MYO3A: variants seen among roughly 807,000 people sequenced by gnomAD.
The protein encoded by MYO3A is myosin IIIA.
A neutral mutation model predicts 192.7 loss-of-function variants in MYO3A; 180 were observed. The ratio of observed to expected loss-of-function variants is 0.93; its 90% CI spans 0.83 to 1.06. The LOEUF (loss-of-function observed/expected upper bound fraction) is 1.06. Ranked by LOEUF, MYO3A falls within the 50% of genes least tolerant of loss-of-function variation. The pLI is 0.00. For missense variants in MYO3A, 1,896 were observed against 1,905.0 expected (o/e 1.00, Z 0.09); for synonymous variants, 628 against 645.3 (o/e 0.97, Z 0.41).
chr10:26,136,422 A>T (rs1040823090), intron 20 of MYO3A, among the ~76,000 whole-genome samples: 1 of 152,248 alleles, frequency 6.6e-6, no homozygotes, highest in South Asian at 2.1e-4. Context: ...GAAAGAACTA[A>T]GTGTTCCCTG....
chr10:26,158,483 C>T (rs1002635356), intron 26 of MYO3A, among the ~76,000 whole-genome samples: 8 of 152,058 alleles, frequency 5.3e-5, no homozygotes, highest in African/African-American at 1.9e-4. Flanking sequence ...TCTCGATCTT[C>T]TGACCTTGTG....
At chr10:25,990,248 A>G (rs1427065901) in intron 4 of MYO3A, among the ~76,000 whole-genome samples, 1 of 152,128 alleles carries the variant, frequency 6.6e-6, no homozygotes, top group East Asian at 1.9e-4. Context: ...GTACGGGTAC[A>G]TGATATTCTG....
At chr10:26,124,053 T>G (rs189578129) in intron 18 of MYO3A, among the ~76,000 whole-genome samples, 53 of 152,086 alleles carry the variant, frequency 3.5e-4, no homozygotes, top group African/African-American at 1.3e-3. Flanking sequence ...GCCAGGCAGG[T>G]TGTCATGCGC....
At chr10:26,030,238 T>C (rs1445100816) in intron 10 of MYO3A, among the ~76,000 whole-genome samples, 2 of 152,240 alleles carry the variant, frequency 1.3e-5, no homozygotes, top group East Asian at 3.8e-4. Flanking sequence ...CTATAGTTTC[T>C]GCCCTCTTAC....
intron 28 of MYO3A, among the ~76,000 whole-genome samples, chr10:26,169,335 T>C (rs1841928209): frequency 6.6e-6 from 1 of 152,186 alleles, no homozygotes; most frequent in Non-Finnish European, 1.5e-5. Context: ...TTCACATACT[T>C]TTATTAAGCT....
intron 10 of MYO3A, among the ~76,000 whole-genome samples, chr10:26,029,981 A>C (rs1333466577): frequency 1.3e-5 from 2 of 152,050 alleles, no homozygotes; most frequent in Admixed American, 6.6e-5. Context: ...AGGAAATTGC[A>C]GATCCAGTTG....
intron 17 of MYO3A, among the ~76,000 whole-genome samples, chr10:26,103,280 C>T (rs201960292): frequency 6.6e-6 from 1 of 152,186 alleles, no homozygotes; most frequent in East Asian, 1.9e-4. Context: ...TTCCAGGTAC[C>T]ATCTGTCACG....
rs1031208854 is a variant in MYO3A, at chr10:26,104,649, G to C, written c.1776+7967G>C. On this transcript the variant is annotated intron_variant, in intron 17 of 34. Coordinates refer to ENST00000642920, the MANE Select transcript of MYO3A (RefSeq NM_017433.5). ...TGTTCTTTTTTTAAAATTTTTTTTG[G>C]CTTTTCAGGGTCAGTCCCTTAAACT... Among the ~76,000 whole-genome samples the C allele has an allele frequency of 4.6e-5, 7 of 151,432 alleles. No individual in the cohort carries two copies. The South Asian group carries it at 1.5e-3, about 32-fold the overall frequency.
At chr10:26,119,358 C>T (rs544605407) in intron 17 of MYO3A, among the ~76,000 whole-genome samples, 1 of 152,316 alleles carries the variant, frequency 6.6e-6, no homozygotes, top group Middle Eastern at 3.4e-3. Flanking sequence ...AAACCAGGAT[C>T]TTTAGCCTAT....
At chr10:25,989,863 G>A (rs1250428099) in intron 4 of MYO3A, among the ~76,000 whole-genome samples, 1 of 152,052 alleles carries the variant, frequency 6.6e-6, no homozygotes, top group Non-Finnish European at 1.5e-5. Context: ...AGGAGGCCCC[G>A]TATGTCAGGG....
At chr10:26,078,138 T>C (rs1476202182) in intron 14 of MYO3A, among the ~76,000 whole-genome samples, 2 of 151,300 alleles carry the variant, frequency 1.3e-5, no homozygotes, top group Non-Finnish European at 3.0e-5. Flanking sequence ...GACTTTTTTT[T>C]TTTTTTTGGT....
At chr10:26,099,889 C>T (rs1837323195) in intron 17 of MYO3A, among the ~76,000 whole-genome samples, 2 of 152,146 alleles carry the variant, frequency 1.3e-5, no homozygotes, top group Admixed American at 1.3e-4. Context: ...TGTTGTGTCT[C>T]TCCCAGGCTT....
chr10:26,172,741 G>C (rs1464935452), intron 29 of MYO3A, among the ~76,000 whole-genome samples: 2 of 152,188 alleles, frequency 1.3e-5, no homozygotes, highest in Non-Finnish European at 2.9e-5. Context: ...GCAGGATTCT[G>C]CTATGCCTCC....
chr10:26,114,401 C>T (rs1222569037), intron 17 of MYO3A, among the ~76,000 whole-genome samples: 1 of 152,146 alleles, frequency 6.6e-6, no homozygotes, highest in Non-Finnish European at 1.5e-5. Context: ...CTTCCATTCC[C>T]AAAACAAAAT....
At chr10:26,137,569 C>T (rs943194505) in intron 20 of MYO3A, among the ~76,000 whole-genome samples, 2 of 152,078 alleles carry the variant, frequency 1.3e-5, no homozygotes, top group African/African-American at 4.8e-5. Flanking sequence ...AGAATAACAG[C>T]GATTTTAGGG....
At chr10:26,178,609 C>T (rs1842450725) in intron 31 of MYO3A, among the ~76,000 whole-genome samples, 2 of 151,254 alleles carry the variant, frequency 1.3e-5, no homozygotes, top group African/African-American at 4.9e-5. Context: ...GACAACTTTA[C>T]CCAGGTGTGG....
chr10:26,205,428 T>TA (rs995625767), intron 34 of MYO3A, among the ~76,000 whole-genome samples: 2 of 148,072 alleles, frequency 1.4e-5, no homozygotes, highest in African/African-American at 5.1e-5. Flanking sequence ...AGTGCCCTGG[T>TA]AACTACTATT....
At chr10:26,085,765 G>T (rs747651975) in intron 14 of MYO3A, among the ~76,000 whole-genome samples, 1 of 152,228 alleles carries the variant, frequency 6.6e-6, no homozygotes, top group Admixed American at 6.5e-5. Context: ...GTCTCCAGTC[G>T]CAATGACTGC....
chr10:26,179,352 C>T (rs533282253), intron 31 of MYO3A, among the ~76,000 whole-genome samples: 1 of 152,024 alleles, frequency 6.6e-6, no homozygotes, highest in African/African-American at 2.4e-5. Context: ...ATCTGCCCAC[C>T]TTTACCTCCC....
Sources: gnomAD v4.1 joint callset for allele counts (sites outside exome capture counted in the v4.1 genomes callset) on GRCh38, gnomAD v4.1.1 for gene constraint, MANE v1.5 for transcripts, NCBI Gene and HGNC (gene_info 2026-07-23, HGNC 2026-07-21) for gene names.